Variants in SCNN1D observed in about 807,000 individuals in gnomAD.
The protein encoded by SCNN1D is epithelial sodium channel subunit delta.
A neutral mutation model predicts 87.8 loss-of-function variants in SCNN1D; 104 were observed. That is an observed-to-expected ratio of 1.18 (90% CI 1.01 to 1.39). SCNN1D has a LOEUF of 1.39. Among genes scored for constraint, SCNN1D ranks in the 40% most tolerant of loss-of-function variants. SCNN1D has a pLI of 0.00. For synonymous variants in SCNN1D, 628 were observed against 481.2 expected (o/e 1.31, Z -3.99); for missense variants, 1,324 against 1,093.9 (o/e 1.21, Z -2.97).
In SCNN1D at chr1:1,281,609, A is replaced by AG; in HGVS notation, c.277+1dup. The AG allele has an allele frequency of 6.5e-7, 1 of 1,535,004 alleles. No individual in the cohort carries two copies. Among genetic ancestry groups the AG allele is most frequent in the Middle Eastern group, 1.7e-4 (1 of 5,982 alleles). On this transcript the variant is annotated frameshift_variant and splice_region_variant, in exon 3 of 18. Coordinates refer to ENST00000379116, the MANE Select transcript of SCNN1D (RefSeq NM_001130413.4). LOFTEE classifies it high-confidence loss of function. ...CTGGCCCGATACAGGGGTGTGGGAC[A>AG]GGTGACTGAACCTCAGCCCTTAGAG...
rs141510852 is a variant in SCNN1D at position 1,290,622 on chromosome 1, G to A, written c.1860-15G>A. 406 of 1,612,620 alleles carry A rather than the reference G, an allele frequency of 2.5e-4. 2 individuals are homozygous for A. Among genetic ancestry groups the A allele is most frequent in the South Asian group, 7.6e-4 (69 of 91,088 alleles). On this transcript the variant is annotated splice_polypyrimidine_tract_variant and intron_variant, in intron 14 of 17. Coordinates refer to ENST00000379116, the MANE Select transcript of SCNN1D (RefSeq NM_001130413.4). ...CCAGGTAGCGTGGCAGGTGACACCC[G>A]GCTGTCTCTTCCAGGGAGTCTGCAT...
In SCNN1D at chr1:1,282,284, C is replaced by A; in HGVS notation, c.320C>A (p.Pro107Gln). The stretch of plus-strand genomic sequence containing the variant: ...ATGGCTTTCCTCTCCAGGACGTCAC[C>A]GGTGGCAGCTGCTTCCTTCCAGAGC... Reference protein sequence around the residue: ...SSMAFLSRTSPVAAASFQSRQ... With the variant: ...SSMAFLSRTSQVAAASFQSRQ... Residue 107 changes from proline to glutamine, a missense_variant, in exon 4 of 18, where the codon CCG becomes CAG. Coordinates refer to ENST00000379116, the MANE Select transcript of SCNN1D (RefSeq NM_001130413.4). The A allele has an allele frequency of 6.5e-7, 1 of 1,550,054 alleles. No individual in the cohort carries two copies. Among genetic ancestry groups the A allele is most frequent in the South Asian group, 1.2e-5 (1 of 84,050 alleles).
At chr1:1,281,832 G>A (rs893464737) in intron 3 of SCNN1D, 29 of 592,648 alleles carry the variant, frequency 4.9e-5, no homozygotes, top group Admixed American at 9.4e-5. Context: ...CCCACTGGCC[G>A]GACCTGGGCT....
chr1:1,290,403 C>T lies in SCNN1D; in HGVS notation c.1780+15C>T, dbSNP rs767664551. 2.5e-6 allele frequency: 4 copies of T among 1,607,492 alleles called. No individual in the cohort carries two copies. The South Asian group carries it at 4.4e-5, about 18-fold the overall frequency. On this transcript the variant is annotated intron_variant, in intron 13 of 17. Transcript: ENST00000379116. ...CCCTGCCTGGGGTGAGTCCTGCTCG[C>T]TGCCTCCCACTCTGTCAGCCATTAG...
chr1:1,284,021 C>G lies in SCNN1D; in HGVS notation c.395C>G (p.Pro132Arg). 7.0e-7 allele frequency: 1 copy of G among 1,432,326 alleles called. No homozygotes were observed. Among genetic ancestry groups the G allele is most frequent in the Non-Finnish European group, 9.1e-7 (1 of 1,100,822 alleles). The allele number at this position is 1,432,326 out of a possible 1,614,324, so 88.7% of individuals were successfully genotyped here. Residue 132 changes from proline (P) to arginine (R), a missense_variant, in exon 5 of 18, where the codon CCG (proline) becomes CGG (arginine). Coordinates refer to ENST00000379116, the MANE Select transcript of SCNN1D (RefSeq NM_001130413.4). ...CTGCTTCAGAGCTGCCAGCTGCCCC[C>G]GCAATGGCTGAGCACCGAAGCATGG... ...SILLQSCQLP[P>R]QWLSTEAWTG...
In SCNN1D at chr1:1,287,724, C is replaced by G. The variant is rs149155447; in HGVS notation, c.1451C>G (p.Ser484Cys). The change falls in exon 11 of 18, where the codon TCC becomes TGC. Residue 484 changes from serine (S) to cysteine (C), a missense_variant. By Grantham distance (112) the Ser-to-Cys change is moderately radical. Coordinates refer to ENST00000379116, the MANE Select transcript of SCNN1D (RefSeq NM_001130413.4). ...VEQQPHLPLL[S>C]TLAGIRVMVH... ...CAGCAGCCTCACCTCCCTCTGCTGTCCACGCTGGCCGGCATCAGGGTCATG... is the reference window on the plus strand; with the variant it reads ...CAGCAGCCTCACCTCCCTCTGCTGTGCACGCTGGCCGGCATCAGGGTCATG... 6.2e-7 allele frequency: 1 copy of G among 1,609,466 alleles called. No homozygotes were observed. Among genetic ancestry groups the G allele is most frequent in the Non-Finnish European group, 8.5e-7 (1 of 1,178,448 alleles).
In SCNN1D at chr1:1,290,386, G is replaced by C. The variant is rs771956830; in HGVS notation, c.1778G>C (p.Trp593Ser). The change falls in exon 13 of 18, where the codon TGG becomes TCG. Residue 593 changes from tryptophan to serine, a missense_variant and splice_region_variant. Physicochemically the swap from Trp to Ser is radical, Grantham distance 177. Transcript: ENST00000379116. ...EYCSSARHPA[W>S]GHCFYRLYQD... ...TGCAGCTCTGCCCGGCACCCTGCCT[G>C]GGGTGAGTCCTGCTCGCTGCCTCCC... 1 of 1,604,084 alleles carries C rather than the reference G, an allele frequency of 6.2e-7. No homozygotes were observed. The highest frequency in any genetic ancestry group is 8.5e-7 in the Non-Finnish European group (1 of 1,174,326).
At chr1:1,287,406 G>C in intron 9 of SCNN1D, 102 bp from the exon 10 acceptor site, 1 of 1,490,846 alleles carries the variant, frequency 6.7e-7, no homozygotes, top group Non-Finnish European at 9.0e-7. Context: ...AGGCTGGCCG[G>C]AGGAACTTTC....
At chr1:1,290,811 T>C in intron 15 of SCNN1D, 84 bp from the exon 16 acceptor site, 1 of 1,580,808 alleles carries the variant, frequency 6.3e-7, no homozygotes, top group Non-Finnish European at 8.6e-7. Context: ...TGCCCCGTGG[T>C]CTCTGCCCCC....
intron 4 of SCNN1D, among the ~76,000 whole-genome samples, chr1:1,283,193 T>A (rs986542070): frequency 6.6e-6 from 1 of 152,174 alleles, no homozygotes; most frequent in Admixed American, 6.5e-5. Context: ...GGCGAGCCCC[T>A]GTGCCTACTC....
At chr1:1,284,274 G>A (rs1449828006) in intron 5 of SCNN1D, among the ~76,000 whole-genome samples, 184 bp downstream of exon 5, 1 of 103,350 alleles carries the variant, frequency 9.7e-6, no homozygotes, top group Non-Finnish European at 2.0e-5. Flanking sequence ...GGGGTTGGGG[G>A]GACCCGCCTC....
At position 1,291,633 on chromosome 1, in the gene SCNN1D, G is replaced by C. The variant is rs201798643; in HGVS notation, c.*23G>C. The C allele has an allele frequency of 4.7e-6, 7 of 1,480,666 alleles. No homozygotes were observed. The highest frequency in any genetic ancestry group is 2.8e-5 in the African/African-American group (2 of 70,950). 91.7% of individuals were successfully genotyped at this position (1,480,666 alleles called of 1,614,324 possible). On this transcript the variant is annotated 3_prime_UTR_variant, in exon 18 of 18. Transcript: ENST00000379116. ...TGAACCAGACCTGCCAGGGCTGTGC[G>C]ATCTCTTGGCCTGGTCCTTGCAGCT...
chr1:1,281,960 C>T, intron 3 of SCNN1D: 1 of 572,176 alleles, frequency 1.7e-6, no homozygotes, highest in Non-Finnish European at 3.1e-6. Context: ...GGACCTTGTC[C>T]CCGCCTGCCA....
intron 4 of SCNN1D, 55 bp downstream of exon 4, chr1:1,282,370 C>T (rs899692690): frequency 1.8e-4 from 274 of 1,539,684 alleles, no homozygotes; most frequent in Admixed American, 2.4e-4. Context: ...CCCTGTGGGG[C>T]TGGGCTCCCC....
intron 5 of SCNN1D, among the ~76,000 whole-genome samples, chr1:1,284,381 G>A (rs1222280670): frequency 3.5e-5 from 5 of 144,246 alleles, no homozygotes; most frequent in Non-Finnish European, 4.6e-5. Flanking sequence ...GGGTTGGGGG[G>A]TCTCTTTCCG....
chr1:1,287,109 T>C lies in SCNN1D; in HGVS notation c.1120T>C (p.Cys374Arg), dbSNP rs746873751. Residue 374 changes from cysteine to arginine, a missense_variant and splice_region_variant, in exon 9 of 18, where the codon TGC becomes CGC. Transcript: ENST00000379116. ...GCTGACCCTCCCTCCCCTCTCCCAG[T>C]GCAACAGCACGGGCGGCGACTGCTT... ...GSRVRVGFRL[C>R]NSTGGDCFYR... 1.3e-6 allele frequency: 2 copies of C among 1,591,540 alleles called. No individual in the cohort carries two copies. The highest frequency in any genetic ancestry group is 2.2e-5 in the East Asian group (1 of 44,482).
At chr1:1,286,504 A>C (rs1179619325) in intron 7 of SCNN1D, among the ~76,000 whole-genome samples, 1 of 152,070 alleles carries the variant, frequency 6.6e-6, no homozygotes, top group Non-Finnish European at 1.5e-5. Context: ...GAGGGACACC[A>C]GGGCCCTCGG....
In SCNN1D at chr1:1,285,992, C is replaced by CA; in HGVS notation, c.626dup (p.His209GlnfsTer64). The stretch of plus-strand genomic sequence containing the variant: ...ACCACCACCACCACCCAAGGAGGGG[C>CA]ACCAGGAGGGGCTGGTGGAGCTGCC... On this transcript the variant is annotated frameshift_variant, in exon 7 of 18. Coordinates refer to ENST00000379116, the MANE Select transcript of SCNN1D (RefSeq NM_001130413.4). LOFTEE classifies it high-confidence loss of function. 2 of 1,559,878 alleles carry CA rather than the reference C, an allele frequency of 1.3e-6. No homozygotes were observed. The highest frequency in any genetic ancestry group is 1.7e-6 in the Non-Finnish European group (2 of 1,151,458).
At chr1:1,280,973 C>T (rs991179157) in intron 1 of SCNN1D, 20 of 590,640 alleles carry the variant, frequency 3.4e-5, no homozygotes, top group East Asian at 1.1e-4. Context: ...TGCCCGGGGC[C>T]GAGGGGGCTC....
Sources: gnomAD v4.1 joint callset for allele counts (sites outside exome capture counted in the v4.1 genomes callset) on GRCh38, gnomAD v4.1.1 for gene constraint, MANE v1.5 for transcripts, NCBI Gene and HGNC (gene_info 2026-07-23, HGNC 2026-07-21) for gene names.